Variants in LRMDA observed in about 807,000 individuals in gnomAD.
The protein encoded by LRMDA is leucine rich melanocyte differentiation associated.
Under a neutral mutation model 29.8 loss-of-function variants are expected in LRMDA, and 18 were observed. The ratio of observed to expected loss-of-function variants is 0.60; its 90% CI spans 0.42 to 0.90. The LOEUF is 0.90. Ranked by LOEUF, LRMDA falls within the 40% of genes least tolerant of loss-of-function variation. The pLI, the probability that LRMDA is intolerant of heterozygous loss-of-function variation, is 0.00. For missense variants in LRMDA, 273 were observed against 273.9 expected, an observed-to-expected ratio of 1.00 and a Z score of 0.02; for synonymous variants, 125 against 109.4, an observed-to-expected ratio of 1.14 and a Z score of -0.89.
chr10:76,061,139 A>T (rs1848695441), intron 5 of LRMDA, among the ~76,000 whole-genome samples: 1 of 152,236 alleles, frequency 6.6e-6, no homozygotes, highest in Non-Finnish European at 1.5e-5. Flanking sequence ...CATCAGTGAC[A>T]GATCAGATAA....
chr10:76,200,578 T>C (rs1232468646), intron 5 of LRMDA, among the ~76,000 whole-genome samples: 2 of 152,074 alleles, frequency 1.3e-5, no homozygotes, highest in African/African-American at 4.8e-5. Flanking sequence ...TGCTGTAAAG[T>C]CTTATTTCTT....
At chr10:76,476,635 G>A (rs1018998730) in intron 6 of LRMDA, among the ~76,000 whole-genome samples, 1 of 152,012 alleles carries the variant, frequency 6.6e-6, no homozygotes, top group Non-Finnish European at 1.5e-5. Context: ...GATAAGCATC[G>A]ATGCAAAAAT....
At chr10:76,184,178 G>A (rs1352351046) in intron 5 of LRMDA, among the ~76,000 whole-genome samples, 3 of 151,842 alleles carry the variant, frequency 2.0e-5, no homozygotes, top group Non-Finnish European at 2.9e-5. Context: ...TTACAGGCTC[G>A]CACCACCACA....
intron 6 of LRMDA, among the ~76,000 whole-genome samples, chr10:76,505,077 T>C (rs568192377): frequency 3.3e-5 from 5 of 152,094 alleles, no homozygotes; most frequent in Non-Finnish European, 1.5e-5. Context: ...TGGCAGAATA[T>C]GAAACTGTTG....
At chr10:75,878,352 G>T (rs1366136696) in intron 2 of LRMDA, among the ~76,000 whole-genome samples, 1 of 151,122 alleles carries the variant, frequency 6.6e-6, no homozygotes, top group Non-Finnish European at 1.5e-5. Context: ...GTAGCTCTCA[G>T]TGAGGTGGAT....
intron 2 of LRMDA, among the ~76,000 whole-genome samples, chr10:76,011,006 A>G (rs1423569003): frequency 3.3e-5 from 5 of 152,260 alleles, no homozygotes; most frequent in Admixed American, 3.3e-4. Context: ...TAACCACAAG[A>G]GGATAAATCG....
At chr10:76,152,909 C>T (rs1010402311) in intron 5 of LRMDA, among the ~76,000 whole-genome samples, 69 of 151,544 alleles carry the variant, frequency 4.6e-4, no homozygotes, top group African/African-American at 1.4e-3. Flanking sequence ...GGCGTGATCT[C>T]GGCTCACTGC....
At chr10:75,550,686 C>T (rs888837910) in intron 2 of LRMDA, among the ~76,000 whole-genome samples, 14 of 152,044 alleles carry the variant, frequency 9.2e-5, no homozygotes, top group Non-Finnish European at 7.4e-5. Flanking sequence ...GGTTTTGAGT[C>T]TACCATTTTG....
chr10:75,993,165 C>A (rs1323082), intron 2 of LRMDA, among the ~76,000 whole-genome samples: 14,552 of 151,928 alleles, frequency 0.096, 788 homozygotes, highest in East Asian at 0.23. Flanking sequence ...GGGTTGCTGC[C>A]CTGCCTGGGT....
chr10:76,135,335 G>C lies in LRMDA; in HGVS notation c.516+76552G>C, dbSNP rs142079322. 1.3e-3 allele frequency among the ~76,000 whole-genome samples: 193 copies of C among 152,282 alleles called. 3 individuals carry two copies. The highest frequency in any genetic ancestry group is 0.011 in the East Asian group (58 of 5,166). ...AAATGGAGGCATGTGGTCCCTTTAA[G>C]GTGGACCTTAAGATTTGATTTCAGA... On this transcript the variant is annotated intron_variant, in intron 5 of 6. Transcript: ENST00000611255.
intron 2 of LRMDA, among the ~76,000 whole-genome samples, chr10:75,937,724 C>T (rs1340272407): frequency 3.3e-5 from 5 of 152,256 alleles, no homozygotes; most frequent in Middle Eastern, 3.4e-3. Context: ...CCTGGGGCTG[C>T]GGAGCGGGCG....
chr10:76,147,542 C>T (rs1032955068), intron 5 of LRMDA, among the ~76,000 whole-genome samples: 8 of 152,148 alleles, frequency 5.3e-5, no homozygotes, highest in Admixed American at 2.6e-4. Context: ...CCATCAGGTC[C>T]TTTAAGGACT....
chr10:76,000,606 C>T (rs1279028781), intron 2 of LRMDA, among the ~76,000 whole-genome samples: 3 of 152,050 alleles, frequency 2.0e-5, no homozygotes, highest in East Asian at 1.9e-4. Flanking sequence ...TGGTGAACCT[C>T]GAGTTTAGGA....
intron 6 of LRMDA, among the ~76,000 whole-genome samples, chr10:76,394,748 A>G (rs1356369195): frequency 1.3e-5 from 2 of 152,200 alleles, no homozygotes; most frequent in Non-Finnish European, 2.9e-5. Flanking sequence ...TTAAAAACAT[A>G]CAATGTCATT....
chr10:76,109,838 A>G (rs1849547733), intron 5 of LRMDA, among the ~76,000 whole-genome samples: 1 of 151,948 alleles, frequency 6.6e-6, no homozygotes, highest in South Asian at 2.1e-4. Flanking sequence ...GGCTTTAGTG[A>G]CCTATGTGGC....
intron 5 of LRMDA, among the ~76,000 whole-genome samples, chr10:76,153,091 G>A (rs545183704): frequency 1.2e-4 from 18 of 152,084 alleles, no homozygotes; most frequent in East Asian, 5.8e-4. Flanking sequence ...TGCCCACCTC[G>A]GCCTCCCAAA....
intron 2 of LRMDA, among the ~76,000 whole-genome samples, chr10:75,946,416 A>C (rs1320976876): frequency 1.3e-5 from 2 of 152,232 alleles, no homozygotes; most frequent in African/African-American, 4.8e-5. Flanking sequence ...ATCTGACTGC[A>C]CATGGGCCTT....
intron 6 of LRMDA, among the ~76,000 whole-genome samples, chr10:76,550,240 C>T (rs997001104): frequency 1.3e-5 from 2 of 152,284 alleles, no homozygotes; most frequent in South Asian, 4.1e-4. Context: ...AATGCTTTCT[C>T]AAAGACAAAT....
chr10:75,454,706 C>A (rs1436403682), intron 2 of LRMDA, among the ~76,000 whole-genome samples: 1 of 152,162 alleles, frequency 6.6e-6, no homozygotes, highest in Non-Finnish European at 1.5e-5. Flanking sequence ...TTCCCAGATG[C>A]CTGAGGTGGA....
Sources: gnomAD v4.1 joint callset for allele counts (sites outside exome capture counted in the v4.1 genomes callset) on GRCh38, gnomAD v4.1.1 for gene constraint, MANE v1.5 for transcripts, NCBI Gene and HGNC (gene_info 2026-07-23, HGNC 2026-07-21) for gene names.